The following ITPRID1 variants were observed in gnomAD, a reference collection of about 807,000 sequenced individuals.
ITPRID1 encodes protein ITPRID1.
In ITPRID1, 96 loss-of-function variants were observed where a neutral mutation model predicts 95.4. The observed-to-expected ratio is 1.01, with a 90% confidence interval of 0.85 to 1.19. The LOEUF (loss-of-function observed/expected upper bound fraction) is 1.19, where lower values mean the gene tolerates loss of function less well. Among genes scored for constraint, ITPRID1 ranks in the 50% most tolerant of loss-of-function variants. ITPRID1 has a pLI of 0.00. For synonymous variants in ITPRID1, 510 were observed against 453.6 expected (o/e 1.12, Z -1.58); for missense variants, 1,339 against 1,252.9 (o/e 1.07, Z -1.04).
chr7:31,540,538 T>G (rs1341734645), intron 1 of ITPRID1, among the ~76,000 whole-genome samples: 1 of 152,238 alleles, frequency 6.6e-6, no homozygotes, highest in Non-Finnish European at 1.5e-5. Flanking sequence ...CTCTCCAGTT[T>G]CCCATTTTTA....
chr7:31,591,289 A>G (rs1785854403), intron 10 of ITPRID1, among the ~76,000 whole-genome samples: 1 of 152,194 alleles, frequency 6.6e-6, no homozygotes, highest in Non-Finnish European at 1.5e-5. Context: ...CTTAAACCTG[A>G]TGGTATCTAA....
At chr7:31,524,021 A>G (rs766552960) in intron 1 of ITPRID1, among the ~76,000 whole-genome samples, 5 of 152,210 alleles carry the variant, frequency 3.3e-5, no homozygotes, top group Non-Finnish European at 5.9e-5. Flanking sequence ...GGCAATACTG[A>G]GGACATTCTA....
chr7:31,551,990 T>A, intron 2 of ITPRID1: 1 of 386,890 alleles, frequency 2.6e-6, no homozygotes, highest in Non-Finnish European at 5.2e-6. Flanking sequence ...ATTCACCACC[T>A]ACTATGTGCC....
At chr7:31,538,421 C>A (rs1225395164) in intron 1 of ITPRID1, among the ~76,000 whole-genome samples, 3 of 152,134 alleles carry the variant, frequency 2.0e-5, no homozygotes, top group Non-Finnish European at 4.4e-5. Flanking sequence ...TGTGCATTGA[C>A]ACAATACTAT....
chr7:31,553,249 G>A lies in ITPRID1; in HGVS notation c.163+62G>A, dbSNP rs1364511354. 2.7e-6 allele frequency: 4 copies of A among 1,461,322 alleles called. No individual in the cohort carries two copies. The African/African-American group carries it at 4.2e-5, about 16-fold the overall frequency. 90.5% of individuals were successfully genotyped at this position (1,461,322 alleles called of 1,614,324 possible). A position where few individuals can be genotyped will look rare whatever the true frequency, so the allele number is the denominator to read the frequency against. On this transcript the variant is annotated intron_variant, in intron 3 of 14. Transcript: ENST00000615280. ...TCTGTGAGTGGTGAGGGATGTGGGA[G>A]CTTTTGGCCAGGGGCAGGTGATTTT...
At chr7:31,557,712 G>A (rs1414912031) in intron 5 of ITPRID1, among the ~76,000 whole-genome samples, 1 of 152,104 alleles carries the variant, frequency 6.6e-6, no homozygotes, top group East Asian at 1.9e-4. Flanking sequence ...GACCACCTTT[G>A]AGGTAAATAT....
intron 10 of ITPRID1, among the ~76,000 whole-genome samples, chr7:31,599,645 CTTTTT>C (rs1562598855): frequency 0.074 from 3,296 of 44,796 alleles, 201 homozygotes; most frequent in African/African-American, 0.12. Context: ...TTCTTTCTTT[CTTTTT>C]CTTTCTTTCC....
intron 5 of ITPRID1, among the ~76,000 whole-genome samples, chr7:31,561,152 T>A (rs1784610294): frequency 6.6e-6 from 1 of 151,944 alleles, no homozygotes; most frequent in Non-Finnish European, 1.5e-5. Context: ...GATTGTACAG[T>A]TTTCAAGTGG....
At chr7:31,523,580 A>G (rs1168831193) in intron 1 of ITPRID1, among the ~76,000 whole-genome samples, 1 of 152,150 alleles carries the variant, frequency 6.6e-6, no homozygotes, top group Non-Finnish European at 1.5e-5. Context: ...TGTTTTCGTC[A>G]TGGGGGTGGA....
At chr7:31,599,624 T>TC (rs1491259510) in intron 10 of ITPRID1, among the ~76,000 whole-genome samples, 1 of 52,538 alleles carries the variant, frequency 1.9e-5, no homozygotes, top group Non-Finnish European at 4.6e-5. Context: ...TTTCTTTCTT[T>TC]CTTTCTTTCT....
At chr7:31,542,552 A>G (rs1056284847) in intron 1 of ITPRID1, among the ~76,000 whole-genome samples, 1 of 152,194 alleles carries the variant, frequency 6.6e-6, no homozygotes, top group Admixed American at 6.6e-5. Flanking sequence ...ATTCTTTCCC[A>G]AAACAAACTT....
intron 1 of ITPRID1, among the ~76,000 whole-genome samples, chr7:31,520,518 T>G (rs952450816): frequency 2.8e-4 from 6 of 21,296 alleles, no homozygotes; most frequent in African/African-American, 4.3e-4. Flanking sequence ...CACATCATTG[T>G]GTGTGTGTGT....
At chr7:31,591,487 C>A (rs555617948) in intron 10 of ITPRID1, among the ~76,000 whole-genome samples, 2 of 152,208 alleles carry the variant, frequency 1.3e-5, no homozygotes, top group Admixed American at 1.3e-4. Context: ...TATTAGCAAA[C>A]CGAGTATTTT....
chr7:31,621,187 G>A (rs1161514808), intron 10 of ITPRID1, among the ~76,000 whole-genome samples: 3 of 152,156 alleles, frequency 2.0e-5, no homozygotes, highest in Non-Finnish European at 4.4e-5. Context: ...CAATCTGCAG[G>A]ATATTATCCA....
Position 31,643,542 on chromosome 7 carries a change from G to A in ITPRID1, c.2172G>A (p.Val724=). The A allele has an allele frequency of 6.2e-7, 1 of 1,614,036 alleles. No individual in the cohort carries two copies. The highest frequency in any genetic ancestry group is 8.5e-7 in the Non-Finnish European group (1 of 1,179,900). Reference sequence around the variant, plus strand: ...TGGTGTCGGCTGCTCAGAGGGCTGTGGCCTTGGGGACTGGTCCCAGAGGAA... The same window carrying A: ...TGGTGTCGGCTGCTCAGAGGGCTGTAGCCTTGGGGACTGGTCCCAGAGGAA... ...SSLVSAAQRA[V]ALGTGPRGTS... is the part of the protein sequence containing the mutation. Residue 724 remains valine (V), a synonymous_variant, in exon 12 of 15, where the codon GTG becomes GTA. Coordinates refer to ENST00000615280, the MANE Select transcript of ITPRID1 (RefSeq NM_001257967.3).
rs199508649 is a variant in ITPRID1 at position 31,643,222 on chromosome 7, C to G, written c.1852C>G (p.Arg618Gly). ...CCTTCATGTTGACTCTGAGGCCCCA[C>G]GAGAAGAGGAAAGCAGTGGATTCTG... ...KFLHVDSEAP[R>G]EEESSGFCPH... Residue 618 changes from arginine to glycine, a missense_variant, in exon 12 of 15, where the codon CGA becomes GGA. By Grantham distance (125) the Arg-to-Gly change is moderately radical. Transcript: ENST00000615280. The G allele has an allele frequency of 1.1e-5, 17 of 1,613,914 alleles. No homozygotes were observed. Among genetic ancestry groups the G allele is most frequent in the Admixed American group, 8.3e-5 (5 of 60,018 alleles).
In ITPRID1 at chr7:31,651,344, CA is replaced by C. The variant is rs1444527918; in HGVS notation, c.2711+76del. Reference sequence around the variant, plus strand: ...AGCAAGGAAGATAATCAGGGCAGAACAGAGGAGCACCCTGGAGCAGAGCTAA... The same window carrying C: ...AGCAAGGAAGATAATCAGGGCAGAACGAGGAGCACCCTGGAGCAGAGCTAA... On this transcript the variant is annotated intron_variant, in intron 13 of 14. Transcript: ENST00000615280. 3.3e-6 allele frequency: 5 copies of C among 1,518,028 alleles called. No homozygotes were observed. In the African/African-American group the frequency reaches 7.0e-5, roughly 21 times the overall value. The allele number at this position is 1,518,028 out of a possible 1,614,324, so 94.0% of individuals were successfully genotyped here. A position where few individuals can be genotyped will look rare whatever the true frequency, so the allele number is the denominator to read the frequency against.
chr7:31,568,627 A>G (rs1229202401), intron 5 of ITPRID1, among the ~76,000 whole-genome samples: 1 of 152,182 alleles, frequency 6.6e-6, no homozygotes, highest in African/African-American at 2.4e-5. Context: ...ATATCATGAT[A>G]CAGGGTCTGA....
chr7:31,592,760 A>G (rs1301843805), intron 10 of ITPRID1, among the ~76,000 whole-genome samples: 1 of 152,178 alleles, frequency 6.6e-6, no homozygotes, highest in African/African-American at 2.4e-5. Flanking sequence ...CCCACTGCCT[A>G]ATAGGCCATG....
Sources: gnomAD v4.1 joint callset for allele counts (sites outside exome capture counted in the v4.1 genomes callset) on GRCh38, gnomAD v4.1.1 for gene constraint, MANE v1.5 for transcripts, NCBI Gene and HGNC (gene_info 2026-07-23, HGNC 2026-07-21) for gene names.